The following P2RX7 variants were observed in gnomAD, a reference collection of about 807,000 sequenced individuals.
P2RX7 encodes purinergic receptor P2X 7.
In P2RX7, 62 loss-of-function variants were observed where a neutral mutation model predicts 71.6. The observed-to-expected ratio is 0.87, with a 90% CI of 0.71 to 1.07. P2RX7 has a LOEUF of 1.07. Among genes scored for constraint, P2RX7 ranks in the 50% least tolerant of loss-of-function variants. P2RX7 has a pLI of 0.00. For synonymous variants in P2RX7, 299 were observed against 283.3 expected, an observed-to-expected ratio of 1.06 and a Z score of -0.56; for missense variants, 686 against 748.5, an observed-to-expected ratio of 0.92 and a Z score of 0.97.
chr12:121,163,069 T>G (rs1251222937), intron 5 of P2RX7, among the ~76,000 whole-genome samples: 1 of 152,092 alleles, frequency 6.6e-6, no homozygotes, highest in Admixed American at 6.6e-5. Context: ...ATACACAAAG[T>G]CACAATGTTA....
chr12:121,153,669 C>T (rs1395784304), intron 1 of P2RX7, among the ~76,000 whole-genome samples: 10 of 149,492 alleles, frequency 6.7e-5, no homozygotes, highest in Admixed American at 5.9e-4. Context: ...CAGAGCAAGA[C>T]TCCATCTCAA....
intron 1 of P2RX7, among the ~76,000 whole-genome samples, chr12:121,143,425 G>A (rs557404809): frequency 6.6e-6 from 1 of 151,834 alleles, no homozygotes; most frequent in African/African-American, 2.4e-5. Flanking sequence ...ATGGTGCTGC[G>A]TGCCTGTAGT....
chr12:121,157,925 G>A (rs975318625), intron 3 of P2RX7, among the ~76,000 whole-genome samples: 1 of 152,208 alleles, frequency 6.6e-6, no homozygotes, highest in Non-Finnish European at 1.5e-5. Context: ...CAGTTGTTAT[G>A]ATTCAAATGA....
At chr12:121,147,675 G>C (rs543204144) in intron 1 of P2RX7, among the ~76,000 whole-genome samples, 12 of 152,038 alleles carry the variant, frequency 7.9e-5, no homozygotes, top group Non-Finnish European at 1.2e-4. Flanking sequence ...GCAGTGGCAC[G>C]ATCTTGGCTC....
chr12:121,150,502 G>A (rs1485919616), intron 1 of P2RX7, among the ~76,000 whole-genome samples: 1 of 152,222 alleles, frequency 6.6e-6, no homozygotes, highest in Non-Finnish European at 1.5e-5. Context: ...TAATGAGCAA[G>A]TGTTATCATA....
At chr12:121,144,384 G>A (rs1434539659) in intron 1 of P2RX7, among the ~76,000 whole-genome samples, 1 of 152,184 alleles carries the variant, frequency 6.6e-6, no homozygotes, top group African/African-American at 2.4e-5. Context: ...TTTTAGTAGA[G>A]ATGGGGTCTC....
rs1885037129 is a variant in P2RX7, at chr12:121,187,998, A to C, written c.*3196A>C. The C allele has an allele frequency of 1.3e-5, 2 of 152,026 alleles. No individual in the cohort carries two copies. Among genetic ancestry groups the C allele is most frequent in the Non-Finnish European group, 2.9e-5 (2 of 67,998 alleles). The allele number at this position is 152,026 out of a possible 1,614,324, so 9.4% of individuals were successfully genotyped here. ...TGGCAATGTAAGTGTCCTTAATGTG[A>C]CTGTTTTGATAATTAAAAAAAGGTA... On this transcript the variant is annotated 3_prime_UTR_variant, in exon 13 of 13. Coordinates refer to ENST00000328963, the MANE Select transcript of P2RX7 (RefSeq NM_002562.6).
Position 121,165,925 on chromosome 12 carries a change from G to A in P2RX7, c.615-133G>A, listed in dbSNP as rs796334576. On this transcript the variant is annotated intron_variant, in intron 6 of 12. Coordinates refer to ENST00000328963, the MANE Select transcript of P2RX7 (RefSeq NM_002562.6). Reference sequence around the variant, plus strand: ...GTCCAGTGTGAGAGGCCACTGCCCAGGGGTCCCAGGAGGCAGTGATCATTT... The same window carrying A: ...GTCCAGTGTGAGAGGCCACTGCCCAAGGGTCCCAGGAGGCAGTGATCATTT... 2.9e-5 allele frequency: 26 copies of A among 881,712 alleles called. No homozygotes were observed. The African/African-American group carries it at 4.4e-4, about 15-fold the overall frequency. The allele number at this position is 881,712 out of a possible 1,614,324, so 54.6% of individuals were successfully genotyped here. A position where few individuals can be genotyped will look rare whatever the true frequency, so the allele number is the denominator to read the frequency against.
At chr12:121,148,422 C>G (rs1222200135) in intron 1 of P2RX7, among the ~76,000 whole-genome samples, 2 of 151,778 alleles carry the variant, frequency 1.3e-5, no homozygotes, top group Non-Finnish European at 2.9e-5. Flanking sequence ...GCCATGTTGC[C>G]CAGGCTGGTC....
intron 7 of P2RX7, among the ~76,000 whole-genome samples, chr12:121,166,673 C>A (rs2857589): frequency 0.063 from 9,639 of 152,120 alleles, 350 homozygotes; most frequent in South Asian, 0.093. Flanking sequence ...CTCTGTCTTA[C>A]AAAGAGAGAG....
At chr12:121,166,701 G>A (rs1325822125) in intron 7 of P2RX7, among the ~76,000 whole-genome samples, 1 of 152,002 alleles carries the variant, frequency 6.6e-6, no homozygotes, top group Admixed American at 6.6e-5. Context: ...ACAAGAGGGG[G>A]CATTTAAGGA....
Position 121,184,896 on chromosome 12 carries a change from C to A in P2RX7, c.*94C>A. Reference sequence around the variant, plus strand: ...GGTCGGGAGTTGGAGACCCGCCTGGCTAACAAGGCGAAATCCTGTCTGTAC... The same window carrying A: ...GGTCGGGAGTTGGAGACCCGCCTGGATAACAAGGCGAAATCCTGTCTGTAC... On this transcript the variant is annotated 3_prime_UTR_variant, in exon 13 of 13. Transcript: ENST00000328963. The A allele has an allele frequency of 1.0e-6, 1 of 966,812 alleles. No homozygotes were observed. The allele number at this position is 966,812 out of a possible 1,614,324, so 59.9% of individuals were successfully genotyped here.
chr12:121,182,442 A>C (rs1340570833), intron 12 of P2RX7, among the ~76,000 whole-genome samples: 6 of 152,218 alleles, frequency 3.9e-5, no homozygotes, highest in African/African-American at 1.4e-4. Flanking sequence ...ACACAAACCT[A>C]AATAGAATAG....
chr12:121,171,213 G>T (rs1030947467), intron 8 of P2RX7, among the ~76,000 whole-genome samples: 3 of 152,106 alleles, frequency 2.0e-5, no homozygotes, highest in Non-Finnish European at 4.4e-5. Context: ...GGCCACACTC[G>T]CTCTGATGCT....
At chr12:121,168,419 C>A (rs1445091033) in intron 8 of P2RX7, among the ~76,000 whole-genome samples, 1 of 151,996 alleles carries the variant, frequency 6.6e-6, no homozygotes, top group African/African-American at 2.4e-5. Flanking sequence ...CAGGCATGTG[C>A]CACCACACCC....
chr12:121,176,994 T>C (rs1200084293), intron 9 of P2RX7, among the ~76,000 whole-genome samples, 153 bp from the exon 10 acceptor site: 1 of 152,114 alleles, frequency 6.6e-6, no homozygotes, highest in Non-Finnish European at 1.5e-5. Flanking sequence ...TCAGTTTCAG[T>C]CTGCGTAGTC....
intron 7 of P2RX7, among the ~76,000 whole-genome samples, chr12:121,166,944 C>T (rs1369621727): frequency 2.0e-5 from 3 of 150,034 alleles, no homozygotes; most frequent in East Asian, 2.0e-4. Flanking sequence ...CCCAGCTACT[C>T]GGGAGGCTGA....
intron 1 of P2RX7, chr12:121,148,987 CT>C: frequency 2.0e-6 from 1 of 491,122 alleles, no homozygotes; most frequent in Non-Finnish European, 4.0e-6. Flanking sequence ...TTGATGTTAC[CT>C]TTGCGCTGGA....
At chr12:121,140,604 T>C (rs547334871) in intron 1 of P2RX7, among the ~76,000 whole-genome samples, 2 of 152,252 alleles carry the variant, frequency 1.3e-5, no homozygotes, top group East Asian at 3.9e-4. Flanking sequence ...AAGATGGCTC[T>C]AGATTCCTGA....
Sources: gnomAD v4.1 joint callset for allele counts (sites outside exome capture counted in the v4.1 genomes callset) on GRCh38, gnomAD v4.1.1 for gene constraint, MANE v1.5 for transcripts, NCBI Gene and HGNC (gene_info 2026-07-23, HGNC 2026-07-21) for gene names.